DTNA: variants seen among roughly 807,000 people sequenced by gnomAD.
DTNA encodes dystrobrevin alpha.
In DTNA, 43 loss-of-function variants were observed where a neutral mutation model predicts 100.7. That is an observed-to-expected ratio of 0.43 (90% CI 0.33 to 0.55). The LOEUF is 0.55. Among genes scored for constraint, DTNA ranks in the 20% least tolerant of loss-of-function variants. The pLI is 0.04. For missense variants in DTNA, 798 were observed against 953.9 expected, an observed-to-expected ratio of 0.84 and a Z score of 2.15; for synonymous variants, 349 against 347.9, an observed-to-expected ratio of 1.00 and a Z score of -0.04.
At position 34,840,245 on chromosome 18, in the gene DTNA, A is replaced by G. The variant is rs1164652859; in HGVS notation, c.1346+1408A>G. ...GACGTAAATCCATCTCTTTCTTCAA[A>G]TTTTGTGAGCTTCTAGATTAAATAG... is the stretch of plus-strand genomic sequence containing the variant. On this transcript the variant is annotated intron_variant, in intron 13 of 22. Coordinates refer to ENST00000444659, the MANE Select transcript of DTNA (RefSeq NM_001386795.1). Among the ~76,000 whole-genome samples the G allele has an allele frequency of 7.7e-4, 117 of 152,288 alleles. 1 individual carries two copies. Among genetic ancestry groups the G allele is most frequent in the Non-Finnish European group, 1.2e-4 (8 of 68,022 alleles).
chr18:34,863,745 AGATCTAAAAG>A (rs2096659620), intron 16 of DTNA, among the ~76,000 whole-genome samples: 1 of 152,248 alleles, frequency 6.6e-6, no homozygotes. Context: ...AGGAAACAAA[AGATCTAAAAG>A]GACTTTAATT....
chr18:34,877,957 G>T, intron 19 of DTNA, 149 bp downstream of exon 19: 1 of 804,454 alleles, frequency 1.2e-6, no homozygotes, highest in Admixed American at 2.8e-5. Flanking sequence ...CAGATTTGAG[G>T]GGTTTTTTTT....
At chr18:34,789,997 T>A (rs1394408850) in intron 3 of DTNA, among the ~76,000 whole-genome samples, 2 of 152,240 alleles carry the variant, frequency 1.3e-5, no homozygotes, top group African/African-American at 4.8e-5. Flanking sequence ...TTAATTAGAC[T>A]GACAGTATAC....
At position 34,879,677 on chromosome 18, in the gene DTNA, A is replaced by G. The variant is rs2096853073; in HGVS notation, c.2120A>G (p.Tyr707Cys). ...LAQIHARKPG[Y>C]IHSGATTSTM... is the part of the protein sequence containing the mutation. ...CAAATCCATGCCCGAAAACCTGGGT[A>G]CATTCACAGTGGAGCTACCACAAGT... The change falls in exon 20 of 23, where the codon TAC (tyrosine) becomes TGC (cysteine). Residue 707 changes from tyrosine (Y) to cysteine (C), a missense_variant. Transcript: ENST00000444659. 6.2e-7 allele frequency: 1 copy of G among 1,614,138 alleles called. No individual in the cohort carries two copies. The highest frequency in any genetic ancestry group is 8.5e-7 in the Non-Finnish European group (1 of 1,179,994).
At chr18:34,667,266 A>T (rs1490713602) in intron 1 of DTNA, among the ~76,000 whole-genome samples, 6 of 152,084 alleles carry the variant, frequency 3.9e-5, no homozygotes, top group Non-Finnish European at 7.4e-5. Context: ...TTTTTGCACA[A>T]TGATTTTGTA....
intron 9 of DTNA, among the ~76,000 whole-genome samples, chr18:34,825,897 A>G (rs1415307960): frequency 1.3e-5 from 2 of 152,160 alleles, no homozygotes; most frequent in African/African-American, 4.8e-5. Flanking sequence ...TACTCTGTTC[A>G]CTGTTTTAAA....
intron 1 of DTNA, among the ~76,000 whole-genome samples, chr18:34,510,016 A>T (rs2040876539): frequency 6.6e-6 from 1 of 151,570 alleles, no homozygotes; most frequent in Admixed American, 6.6e-5. Context: ...CTCACCCAAT[A>T]GTAGTTTAAG....
chr18:34,604,890 C>T (rs937946283), intron 1 of DTNA, among the ~76,000 whole-genome samples: 1 of 152,138 alleles, frequency 6.6e-6, no homozygotes, highest in African/African-American at 2.4e-5. Context: ...CAACTTTTGT[C>T]TTAGGCCATA....
intron 17 of DTNA, chr18:34,867,683 A>T (rs2096721009): frequency 1.0e-6 from 1 of 986,780 alleles, no homozygotes; most frequent in East Asian, 1.1e-4. Flanking sequence ...TCCCTTGGGG[A>T]TACTTTCCAG....
chr18:34,860,025 A>T (rs1036349536), intron 16 of DTNA, among the ~76,000 whole-genome samples: 2 of 151,044 alleles, frequency 1.3e-5, no homozygotes, highest in Non-Finnish European at 2.9e-5. Flanking sequence ...GAAGTATTAC[A>T]TTCTTTTCTT....
chr18:34,499,497 T>C (rs899930129), intron 1 of DTNA, among the ~76,000 whole-genome samples: 1 of 152,242 alleles, frequency 6.6e-6, no homozygotes, highest in Admixed American at 6.5e-5. Flanking sequence ...ATTAATTTCT[T>C]TGGGATAAAT....
At chr18:34,822,859 C>T (rs1244693675) in intron 9 of DTNA, among the ~76,000 whole-genome samples, 1 of 151,916 alleles carries the variant, frequency 6.6e-6, no homozygotes, top group Admixed American at 6.6e-5. Context: ...CTGAGAAAAA[C>T]CTCTATGTAT....
intron 1 of DTNA, among the ~76,000 whole-genome samples, chr18:34,660,638 C>T (rs184674111): frequency 3.3e-5 from 5 of 152,164 alleles, no homozygotes; most frequent in African/African-American, 9.6e-5. Flanking sequence ...ACAATCTAAT[C>T]TCTCTGAAGC....
At chr18:34,605,535 A>G (rs2052865816) in intron 1 of DTNA, among the ~76,000 whole-genome samples, 1 of 152,204 alleles carries the variant, frequency 6.6e-6, no homozygotes, top group South Asian at 2.1e-4. Context: ...CAAGGGATGA[A>G]GCAAATGAAA....
At position 34,642,561 on chromosome 18, in the gene DTNA, CTTTT is replaced by C. The variant is rs1473964601; in HGVS notation, c.-1-113414_-1-113411del. Among the ~76,000 whole-genome samples the C allele has an allele frequency of 6.8e-5, 10 of 147,440 alleles. 1 individual carries two copies. In the Admixed American group the frequency reaches 6.8e-4, roughly 10 times the overall value. On this transcript the variant is annotated intron_variant, in intron 1 of 19. Coordinates refer to the DTNA transcript ENST00000283365. The stretch of plus-strand genomic sequence containing the variant: ...TCCTTCCTTCCTTCTTTCTTTCTTT[CTTTT>C]CTTTCTTTTCTTTCAACGGAGTCTC...
At chr18:34,882,992 G>A (rs2096888051) in intron 21 of DTNA, among the ~76,000 whole-genome samples, 1 of 152,128 alleles carries the variant, frequency 6.6e-6, no homozygotes. Context: ...ATCAAGGTAT[G>A]GACGGACAGA....
At chr18:34,771,891 T>A (rs1601758495) in intron 3 of DTNA, among the ~76,000 whole-genome samples, 1 of 152,126 alleles carries the variant, frequency 6.6e-6, no homozygotes, top group East Asian at 1.9e-4. Flanking sequence ...GTTTCTACCA[T>A]AACATTATTT....
In DTNA at chr18:34,588,444, C is replaced by G. The variant is rs543320235; in HGVS notation, c.-2+94930C>G. Among the ~76,000 whole-genome samples, 4 of 152,262 alleles carry G rather than the reference C, an allele frequency of 2.6e-5. No individual in the cohort carries two copies. The East Asian group carries it at 7.7e-4, about 29-fold the overall frequency. ...CCCGCCTGCTCTTCTCTCGTTCTCA[C>G]CATCTTAAGAGTGTTCTTTTTCTTG... On this transcript the variant is annotated intron_variant, in intron 1 of 19. Transcript: ENST00000283365.
At chr18:34,767,230 C>CA (rs11456605) in intron 3 of DTNA, among the ~76,000 whole-genome samples, 140,928 of 152,130 alleles carry the variant, frequency 0.93, 66,235 homozygotes, top group East Asian at 1. Context: ...GGGTAGAAAC[C>CA]GGCATCTCCA....
Sources: gnomAD v4.1 joint callset for allele counts (sites outside exome capture counted in the v4.1 genomes callset) on GRCh38, gnomAD v4.1.1 for gene constraint, MANE v1.5 for transcripts, NCBI Gene and HGNC (gene_info 2026-07-23, HGNC 2026-07-21) for gene names.